Variants in COQ8A observed in about 807,000 individuals in gnomAD.
The protein encoded by COQ8A is coenzyme Q8A.
A neutral mutation model predicts 65.0 loss-of-function variants in COQ8A; 51 were observed. That is an observed-to-expected ratio of 0.78 (90% CI 0.63 to 0.99). COQ8A has a LOEUF of 0.99. Among genes scored for constraint, COQ8A ranks in the 50% least tolerant of loss-of-function variants. The pLI, the probability that COQ8A is intolerant of heterozygous loss-of-function variation, is 0.00. For missense variants in COQ8A, 940 were observed against 875.0 expected (o/e 1.07, Z -0.94); for synonymous variants, 371 against 353.2 (o/e 1.05, Z -0.57).
intron 4 of COQ8A, chr1:226,975,004 C>T (rs969315945): frequency 6.6e-5 from 10 of 152,278 alleles, no homozygotes; most frequent in African/African-American, 2.4e-4. Flanking sequence ...GTGGATCCAC[C>T]TGCCCCTCTC....
At chr1:226,963,472 G>C (rs370430066) in intron 2 of COQ8A, among the ~76,000 whole-genome samples, 8 of 152,188 alleles carry the variant, frequency 5.3e-5, no homozygotes, top group African/African-American at 1.7e-4. Context: ...CAGTGACACC[G>C]ACAGGTGTTA....
chr1:226,973,330 T>C (rs1224307865), intron 4 of COQ8A, among the ~76,000 whole-genome samples: 2 of 152,164 alleles, frequency 1.3e-5, no homozygotes, highest in Non-Finnish European at 2.9e-5. Flanking sequence ...TTTCAGGAGC[T>C]CTGTGTTGGA....
At chr1:226,961,737 G>A (rs909111505) in intron 2 of COQ8A, among the ~76,000 whole-genome samples, 175 bp downstream of exon 2, 1 of 152,110 alleles carries the variant, frequency 6.6e-6, no homozygotes, top group Non-Finnish European at 1.5e-5. Flanking sequence ...CCTGTGTGAG[G>A]CTGTGGCAAC....
In COQ8A at chr1:226,982,715, C is replaced by G. The variant is rs55968053; in HGVS notation, c.891C>G (p.Phe297Leu). The change falls in exon 7 of 15, where the codon TTC (phenylalanine) becomes TTG (leucine). Residue 297 changes from phenylalanine to leucine, a missense_variant. Coordinates refer to ENST00000366777, the MANE Select transcript of COQ8A (RefSeq NM_020247.5). ...AFINPHLAKI[F>L]ERVRQSADFM... is the part of the protein sequence containing the mutation. Reference sequence around the variant, plus strand: ...TCAACCCCCACCTGGCTAAGATCTTCGAGCGGGTGCGGCAGAGCGCGGACT... The same window carrying G: ...TCAACCCCCACCTGGCTAAGATCTTGGAGCGGGTGCGGCAGAGCGCGGACT... 4 of 1,613,568 alleles carry G rather than the reference C, an allele frequency of 2.5e-6. No individual in the cohort carries two copies. Among genetic ancestry groups the G allele is most frequent in the Non-Finnish European group, 3.4e-6 (4 of 1,180,024 alleles).
chr1:226,953,980 AGGAC>A (rs1282064734), intron 1 of COQ8A, among the ~76,000 whole-genome samples: 7 of 152,244 alleles, frequency 4.6e-5, no homozygotes, highest in African/African-American at 1.7e-4. Flanking sequence ...AAAAATTTCA[AGGAC>A]GTAAAGGAAT....
chr1:226,968,925 G>A (rs1030943217), intron 4 of COQ8A, among the ~76,000 whole-genome samples: 2 of 152,160 alleles, frequency 1.3e-5, no homozygotes, highest in Admixed American at 1.3e-4. Context: ...TGGATATGGG[G>A]TCAGAACTGA....
At chr1:226,975,258 A>G (rs764377432) in intron 4 of COQ8A, among the ~76,000 whole-genome samples, 15 of 152,148 alleles carry the variant, frequency 9.9e-5, no homozygotes, top group Non-Finnish European at 1.9e-4. Flanking sequence ...GAGCTGATGT[A>G]CCTGCCAGGC....
chr1:226,968,951 A>G (rs755650366), intron 4 of COQ8A, among the ~76,000 whole-genome samples: 18 of 152,204 alleles, frequency 1.2e-4, no homozygotes, highest in Non-Finnish European at 2.1e-4. Context: ...AGTTCATCAT[A>G]ATAGCTGTCC....
chr1:226,953,322 C>G (rs1464713648), intron 1 of COQ8A, among the ~76,000 whole-genome samples: 1 of 152,242 alleles, frequency 6.6e-6, no homozygotes, highest in Non-Finnish European at 1.5e-5. Context: ...GCCACTGTGC[C>G]TGGCCCACAG....
At position 226,983,035 on chromosome 1, in the gene COQ8A, G is replaced by A. The variant is rs767634570; in HGVS notation, c.1080+1G>A. On this transcript the variant is annotated splice_donor_variant, in intron 8 of 14. Coordinates refer to ENST00000366777, the MANE Select transcript of COQ8A (RefSeq NM_020247.5). LOFTEE classifies it high-confidence loss of function. ...CCGCGAGGTGGCCATGAAGATCCAGGTAGGCGGCCTGATGCGCAGTGCCTG... is the reference window on the plus strand; with the variant it reads ...CCGCGAGGTGGCCATGAAGATCCAGATAGGCGGCCTGATGCGCAGTGCCTG... 3 of 1,583,516 alleles carry A rather than the reference G, an allele frequency of 1.9e-6. No homozygotes were observed. Among genetic ancestry groups the A allele is most frequent in the Non-Finnish European group, 1.7e-6 (2 of 1,166,088 alleles).
intron 2 of COQ8A, among the ~76,000 whole-genome samples, chr1:226,962,021 A>G (rs950589901): frequency 6.6e-6 from 1 of 152,166 alleles, no homozygotes; most frequent in African/African-American, 2.4e-5. Flanking sequence ...CCACCTCCCA[A>G]TACTATCACA....
At chr1:226,981,317 T>C (rs1381558788) in intron 5 of COQ8A, among the ~76,000 whole-genome samples, 1 of 152,208 alleles carries the variant, frequency 6.6e-6, no homozygotes, top group Non-Finnish European at 1.5e-5. Flanking sequence ...GGCAGTTGAC[T>C]TAGCCGGCCT....
intron 1 of COQ8A, among the ~76,000 whole-genome samples, chr1:226,944,555 C>T (rs549224335): frequency 6.6e-6 from 1 of 151,636 alleles, no homozygotes; most frequent in Non-Finnish European, 1.5e-5. Flanking sequence ...GCGGGCCCTC[C>T]TATCTGGTTG....
At chr1:226,965,770 CCTGCCCTGCCTGGGCACCACG>C in intron 4 of COQ8A, 33 bp downstream of exon 4, 5 of 1,604,760 alleles carry the variant, frequency 3.1e-6, no homozygotes, top group Non-Finnish European at 4.3e-6. Flanking sequence ...GACTGCCTCA[CCTGCCCTGCCTGGGCACCACG>C]CTGCGGCCTG....
chr1:226,986,333 A>T, intron 14 of COQ8A, 120 bp from the exon 15 acceptor site: 1 of 1,145,230 alleles, frequency 8.7e-7, no homozygotes, highest in Non-Finnish European at 1.3e-6. Context: ...ACCATGATGT[A>T]ATCCAGTTTA....
chr1:226,985,387 C>T (rs377109408), intron 14 of COQ8A, 47 bp downstream of exon 14: 27 of 1,595,452 alleles, frequency 1.7e-5, no homozygotes, highest in African/African-American at 8.0e-5. Flanking sequence ...ACCCAGGGCC[C>T]GGCTCCCTGT....
chr1:226,947,497 T>TA (rs1313820022), intron 1 of COQ8A, among the ~76,000 whole-genome samples: 21 of 152,268 alleles, frequency 1.4e-4, no homozygotes, highest in Admixed American at 9.8e-4. Flanking sequence ...AGTAAAAGTG[T>TA]TTTGAAAGAT....
intron 1 of COQ8A, among the ~76,000 whole-genome samples, chr1:226,958,611 T>C (rs1375511548): frequency 6.6e-6 from 1 of 152,146 alleles, no homozygotes; most frequent in Non-Finnish European, 1.5e-5. Context: ...TCAGTGAACT[T>C]GTGTTGAAGG....
In COQ8A at chr1:226,986,421, C is replaced by T. The variant is rs41303131; in HGVS notation, c.1660-32C>T. 53 of 1,607,752 alleles carry T rather than the reference C, an allele frequency of 3.3e-5. No homozygotes were observed. The South Asian group carries it at 3.4e-4, about 10-fold the overall frequency. On this transcript the variant is annotated intron_variant, in intron 14 of 14. Coordinates refer to ENST00000366777, the MANE Select transcript of COQ8A (RefSeq NM_020247.5). ...GGGCTGGTGGAGGGCTCTGGTGTCT[C>T]GCCGCCATTTATCCTTCCTCTCTTG... is the stretch of plus-strand genomic sequence containing the variant.
Sources: gnomAD v4.1 joint callset for allele counts (sites outside exome capture counted in the v4.1 genomes callset) on GRCh38, gnomAD v4.1.1 for gene constraint, MANE v1.5 for transcripts, NCBI Gene and HGNC (gene_info 2026-07-23, HGNC 2026-07-21) for gene names.